Variants in CSNK1G1 observed in about 807,000 individuals in gnomAD.
The protein encoded by CSNK1G1 is casein kinase I isoform gamma-1.
In CSNK1G1, 22 loss-of-function variants were observed where a neutral mutation model predicts 59.6. That is an observed-to-expected ratio of 0.37 (90% confidence interval 0.26 to 0.53). The LOEUF (loss-of-function observed/expected upper bound fraction) is 0.53, where lower values mean the gene tolerates loss of function less well. Among genes scored for constraint, CSNK1G1 ranks in the 20% least tolerant of loss-of-function variants. CSNK1G1 has a pLI of 0.89. For synonymous variants in CSNK1G1, 179 were observed against 177.1 expected (o/e 1.01, Z -0.08); for missense variants, 384 against 519.5 (o/e 0.74, Z 2.54).
intron 10 of CSNK1G1, among the ~76,000 whole-genome samples, chr15:64,189,639 G>A (rs994921959): frequency 6.6e-6 from 1 of 152,156 alleles, no homozygotes; most frequent in African/African-American, 2.4e-5. Context: ...AATGTTCACA[G>A]CTATAAAAGT....
chr15:64,230,303 T>G (rs80275003), intron 4 of CSNK1G1, among the ~76,000 whole-genome samples: 86 of 143,630 alleles, frequency 6.0e-4, no homozygotes, highest in African/African-American at 2.0e-3. Context: ...CCAGTTTTGG[T>G]TTTTTTTTTT....
intron 1 of CSNK1G1, among the ~76,000 whole-genome samples, chr15:64,327,501 A>G (rs1466728974): frequency 6.9e-6 from 1 of 144,178 alleles, no homozygotes; most frequent in Non-Finnish European, 1.5e-5. Flanking sequence ...CAGAAAGGAC[A>G]TCCACACCGA....
At chr15:64,346,231 A>G (rs1445205009) in intron 1 of CSNK1G1, among the ~76,000 whole-genome samples, 1 of 151,630 alleles carries the variant, frequency 6.6e-6, no homozygotes, top group Non-Finnish European at 1.5e-5. Context: ...ATTTTTTTTA[A>G]TTAAAAAATA....
chr15:64,259,483 TACACACAC>T (rs59936401), intron 2 of CSNK1G1, among the ~76,000 whole-genome samples: 4,245 of 139,794 alleles, frequency 0.03, 69 homozygotes, highest in East Asian at 0.056. Flanking sequence ...AAATCTCTCT[TACACACAC>T]ACACACACAC....
chr15:64,300,607 G>T lies in CSNK1G1; in HGVS notation c.-108C>A. The stretch of plus-strand genomic sequence containing the variant: ...TAAATTGTAGTCAGAGAAAGGTAAG[G>T]AGTTCTTTTAGCACCATATTTGTTT... On this transcript the variant is annotated 5_prime_UTR_variant, in exon 2 of 12. Transcript: ENST00000303052. The T allele has an allele frequency of 6.9e-7, 1 of 1,441,696 alleles. No homozygotes were observed. 89.3% of individuals were successfully genotyped at this position (1,441,696 alleles called of 1,614,324 possible).
intron 4 of CSNK1G1, among the ~76,000 whole-genome samples, chr15:64,231,242 C>T (rs902737292): frequency 1.3e-5 from 2 of 149,960 alleles, no homozygotes; most frequent in African/African-American, 4.9e-5. Flanking sequence ...AGGAGAATCT[C>T]TTGAGCCCAG....
Position 64,200,648 on chromosome 15 carries a change from A to G in CSNK1G1, c.1107+2434T>C, listed in dbSNP as rs946056566. 3.9e-5 allele frequency among the ~76,000 whole-genome samples: 6 copies of G among 152,170 alleles called. No homozygotes were observed. The highest frequency in any genetic ancestry group is 2.1e-4 in the South Asian group (1 of 4,824). On this transcript the variant is annotated intron_variant, in intron 10 of 11. Transcript: ENST00000303052. This position sits in a 1 kb window ranked among gnomAD's most constrained non-coding sequence, Gnocchi z 4.3. ...GGCGTGAGCCACTGCGCCTGGCCGC[A>G]TTATAGAGTAATAAAACTTCATTTA...
intron 4 of CSNK1G1, among the ~76,000 whole-genome samples, chr15:64,238,782 G>A (rs900175947): frequency 6.6e-6 from 1 of 151,622 alleles, no homozygotes; most frequent in African/African-American, 2.4e-5. Context: ...GCCCCCCCAG[G>A]GATAGAGATT....
chr15:64,168,637 T>C lies in CSNK1G1; in HGVS notation c.*3294A>G, dbSNP rs2081629647. ...GAAAAAGATCGTTAGGCACCATACT[T>C]GTGAAATGGAGAAAGCTCAGAAACT... On this transcript the variant is annotated 3_prime_UTR_variant, in exon 12 of 12. Coordinates refer to ENST00000303052, the MANE Select transcript of CSNK1G1 (RefSeq NM_022048.5). The C allele has an allele frequency of 6.6e-6, 1 of 152,142 alleles. No individual in the cohort carries two copies. Among genetic ancestry groups the C allele is most frequent in the South Asian group, 2.1e-4 (1 of 4,830 alleles). The allele number at this position is 152,142 out of a possible 1,614,324, so 9.4% of individuals were successfully genotyped here.
At chr15:64,189,449 T>A in intron 10 of CSNK1G1, 2 of 1,290,032 alleles carry the variant, frequency 1.6e-6, no homozygotes, top group South Asian at 2.5e-5. Flanking sequence ...GTTGTTAACA[T>A]CATAATGCTC....
intron 1 of CSNK1G1, among the ~76,000 whole-genome samples, chr15:64,338,726 A>C (rs912233944): frequency 6.8e-6 from 1 of 146,602 alleles, no homozygotes; most frequent in South Asian, 2.2e-4. Context: ...AAAAAAAAAA[A>C]AACACTTCTG....
rs535209228 is a variant in CSNK1G1 at position 64,195,786 on chromosome 15, A to T, written c.1107+7296T>A. Among the ~76,000 whole-genome samples the T allele has an allele frequency of 3.3e-5, 5 of 152,350 alleles. No homozygotes were observed. The South Asian group carries it at 1.0e-3, about 32-fold the overall frequency. ...CATGGCAAGATTTACAACTTTTGGT[A>T]CTGGGAAAGGACAAACACGAAGTAT... On this transcript the variant is annotated intron_variant, in intron 10 of 11. Coordinates refer to ENST00000303052, the MANE Select transcript of CSNK1G1 (RefSeq NM_022048.5).
intron 10 of CSNK1G1, among the ~76,000 whole-genome samples, chr15:64,199,607 C>T (rs768801622): frequency 3.3e-4 from 50 of 152,208 alleles, no homozygotes; most frequent in Non-Finnish European, 6.3e-4. Context: ...GTAATCCCAG[C>T]ATTTTGGGAG....
At chr15:64,242,814 T>C (rs1307420172) in intron 4 of CSNK1G1, among the ~76,000 whole-genome samples, 2 of 152,040 alleles carry the variant, frequency 1.3e-5, no homozygotes, top group East Asian at 1.9e-4. Flanking sequence ...CTCATGAACA[T>C]AGATGCAAAA....
At chr15:64,229,859 C>CAAA (rs568587287) in intron 4 of CSNK1G1, among the ~76,000 whole-genome samples, 63 of 94,624 alleles carry the variant, frequency 6.7e-4, no homozygotes, top group African/African-American at 2.3e-3. Context: ...TGCAATACTA[C>CAAA]AAAAAAAAAT....
intron 1 of CSNK1G1, among the ~76,000 whole-genome samples, chr15:64,332,860 T>G (rs532431670): frequency 3.2e-4 from 49 of 152,088 alleles, no homozygotes; most frequent in African/African-American, 1.2e-3. Flanking sequence ...ACAAGATAAA[T>G]GAGATTATGT....
intron 4 of CSNK1G1, among the ~76,000 whole-genome samples, chr15:64,238,824 C>T (rs1227803476): frequency 6.6e-6 from 1 of 151,852 alleles, no homozygotes; most frequent in African/African-American, 2.4e-5. Context: ...TGGATCTGGG[C>T]TGCTAAAGGT....
chr15:64,202,751 AC>A (rs908543103), intron 10 of CSNK1G1, among the ~76,000 whole-genome samples: 5 of 152,016 alleles, frequency 3.3e-5, no homozygotes, highest in Non-Finnish European at 7.4e-5. Context: ...ACAGGGTTTC[AC>A]CATCTTGCCC....
In CSNK1G1 at chr15:64,166,896, GTAAAAGAAGAAAAA is replaced by G. The variant is rs2081609003; in HGVS notation, c.*5021_*5034del. 1 of 152,564 alleles carries G rather than the reference GTAAAAGAAGAAAAA, an allele frequency of 6.6e-6. No individual in the cohort carries two copies. The highest frequency in any genetic ancestry group is 6.5e-5 in the Admixed American group (1 of 15,280). The allele number at this position is 152,564 out of a possible 1,614,324, so 9.5% of individuals were successfully genotyped here. A position where few individuals can be genotyped will look rare whatever the true frequency, so the allele number is the denominator to read the frequency against. On this transcript the variant is annotated 3_prime_UTR_variant, in exon 12 of 12. Transcript: ENST00000303052. This position sits in a 1 kb window ranked among gnomAD's most constrained non-coding sequence, Gnocchi z 4.5. ...GGCACTGGGAAAGTGATTGTGAGGA[GTAAAAGAAGAAAAA>G]TAAAAGAAATTCTGTCTACAGAACG...
Sources: allele counts gnomAD v4.1 joint callset (sites outside exome capture counted in the v4.1 genomes callset), GRCh38; gene constraint gnomAD v4.1.1; non-coding constraint Gnocchi (gnomAD v3.1); transcripts MANE v1.5; gene names NCBI Gene and HGNC (gene_info 2026-07-23, HGNC 2026-07-21).